Variants in EFCAB11 observed in about 807,000 individuals in gnomAD.
EFCAB11 encodes EF-hand calcium binding domain 11.
Under a neutral mutation model 23.0 loss-of-function variants are expected in EFCAB11, and 14 were observed. The observed-to-expected ratio is 0.61, with a 90% CI of 0.40 to 0.95. EFCAB11 has a LOEUF of 0.95. Ranked by LOEUF, EFCAB11 falls within the 40% of genes least tolerant of loss-of-function variation. EFCAB11 has a pLI of 0.00. For synonymous variants in EFCAB11, 65 were observed against 66.6 expected, an observed-to-expected ratio of 0.98 and a Z score of 0.11; for missense variants, 198 against 195.8, an observed-to-expected ratio of 1.01 and a Z score of -0.07.
At chr14:89,830,466 A>G (rs1886846416) in intron 5 of EFCAB11, 1 of 152,174 alleles carries the variant, frequency 6.6e-6, no homozygotes, top group Non-Finnish European at 1.5e-5. Context: ...CAAAAATTTC[A>G]TTTTTCTAGT....
chr14:89,844,066 A>G (rs144244929), intron 5 of EFCAB11, among the ~76,000 whole-genome samples: 1 of 152,272 alleles, frequency 6.6e-6, no homozygotes, highest in African/African-American at 2.4e-5. Context: ...TCTGTCAGTC[A>G]CTCTTTCAAA....
intron 5 of EFCAB11, among the ~76,000 whole-genome samples, chr14:89,887,130 T>C (rs1888814436): frequency 6.6e-6 from 1 of 152,206 alleles, no homozygotes; most frequent in Non-Finnish European, 1.5e-5. Context: ...ACTGCTCTCA[T>C]GAAGCTTTAT....
chr14:89,890,838 G>T (rs941260048), intron 5 of EFCAB11, among the ~76,000 whole-genome samples: 1 of 152,230 alleles, frequency 6.6e-6, no homozygotes, highest in Non-Finnish European at 1.5e-5. Context: ...GGCCAGAAGT[G>T]AAGATCCAGG....
intron 5 of EFCAB11, among the ~76,000 whole-genome samples, chr14:89,922,238 G>A (rs1387736367): frequency 6.6e-6 from 1 of 152,214 alleles, no homozygotes; most frequent in Non-Finnish European, 1.5e-5. Context: ...ACTAAACCCA[G>A]GGTTGGGTAG....
chr14:89,881,808 T>A (rs1219713134), intron 5 of EFCAB11, among the ~76,000 whole-genome samples: 1 of 152,172 alleles, frequency 6.6e-6, no homozygotes, highest in Non-Finnish European at 1.5e-5. Flanking sequence ...TAAATTTTAC[T>A]TGTCTTAAAT....
rs368753755 is a variant in EFCAB11, at chr14:89,864,541, C to T, written c.410+67000G>A. Among the ~76,000 whole-genome samples, 4 of 152,138 alleles carry T rather than the reference C, an allele frequency of 2.6e-5. No homozygotes were observed. In the East Asian group the frequency reaches 5.8e-4, roughly 22 times the overall value. ...CTGGGCTCAACTGATCCTTCCACCT[C>T]AGCCTCCCAAATAGTAGCTGGGACT... On this transcript the variant is annotated intron_variant, in intron 5 of 5. Coordinates refer to ENST00000316738, the MANE Select transcript of EFCAB11 (RefSeq NM_145231.4).
intron 5 of EFCAB11, chr14:89,924,067 T>C: frequency 3.0e-6 from 3 of 985,624 alleles, no homozygotes; most frequent in Non-Finnish European, 3.6e-6. Context: ...ATAATTTTTC[T>C]GCCAAGGGAA....
At chr14:89,859,998 G>A (rs1240409567) in intron 5 of EFCAB11, among the ~76,000 whole-genome samples, 2 of 152,092 alleles carry the variant, frequency 1.3e-5, no homozygotes, top group Admixed American at 1.3e-4. Context: ...CCCAAAGGAG[G>A]GAACAGAACC....
At chr14:89,924,389 G>A (rs1176793326) in intron 5 of EFCAB11, 12 of 1,193,012 alleles carry the variant, frequency 1.0e-5, no homozygotes, top group South Asian at 4.8e-5. Context: ...GATCTTGGAC[G>A]CTGGGTCAGG....
chr14:89,800,329 A>T (rs1885735936), intron 5 of EFCAB11, among the ~76,000 whole-genome samples: 1 of 152,236 alleles, frequency 6.6e-6, no homozygotes, highest in Non-Finnish European at 1.5e-5. Context: ...CTAGGTACAG[A>T]GGAGACCACA....
At position 89,932,338 on chromosome 14, in the gene EFCAB11, A is replaced by G. The variant is rs80206508; in HGVS notation, c.319+188T>C. On this transcript the variant is annotated intron_variant, in intron 4 of 5. Transcript: ENST00000316738. ...ACTATATAACTGTAAATACTATTTCATCTATGGTAAATGTCAAGAAATCAC... is the reference window on the plus strand; with the variant it reads ...ACTATATAACTGTAAATACTATTTCGTCTATGGTAAATGTCAAGAAATCAC... Among the ~76,000 whole-genome samples, 536 of 152,342 alleles carry G rather than the reference A, an allele frequency of 3.5e-3. 3 individuals carry two copies. Among genetic ancestry groups the G allele is most frequent in the Non-Finnish European group, 4.9e-3 (333 of 68,034 alleles).
intron 5 of EFCAB11, among the ~76,000 whole-genome samples, chr14:89,798,832 G>C (rs1336220905): frequency 6.6e-6 from 1 of 152,178 alleles, no homozygotes; most frequent in Non-Finnish European, 1.5e-5. Context: ...TGTCACCCAG[G>C]CTGGAGTGCA....
At chr14:89,918,653 A>C (rs1889927854) in intron 5 of EFCAB11, among the ~76,000 whole-genome samples, 1 of 152,130 alleles carries the variant, frequency 6.6e-6, no homozygotes, top group Admixed American at 6.6e-5. Context: ...AGAAAAAGGC[A>C]AGATCACCTG....
chr14:89,889,982 G>C (rs1432214671), intron 5 of EFCAB11, among the ~76,000 whole-genome samples: 1 of 152,182 alleles, frequency 6.6e-6, no homozygotes, highest in East Asian at 1.9e-4. Flanking sequence ...GCTGAGTCTT[G>C]GAAGTCCTTC....
At chr14:89,894,791 A>G (rs1170174969) in intron 5 of EFCAB11, among the ~76,000 whole-genome samples, 2 of 152,214 alleles carry the variant, frequency 1.3e-5, no homozygotes, top group Non-Finnish European at 2.9e-5. Flanking sequence ...TAGCTAGAAG[A>G]TTAACATACA....
intron 5 of EFCAB11, among the ~76,000 whole-genome samples, chr14:89,819,676 A>G (rs930809036): frequency 6.6e-6 from 1 of 152,138 alleles, no homozygotes; most frequent in African/African-American, 2.4e-5. Flanking sequence ...GCCTCAAGCA[A>G]TCCTCCTGCC....
chr14:89,864,823 A>G (rs897473319), intron 5 of EFCAB11, among the ~76,000 whole-genome samples: 11 of 152,174 alleles, frequency 7.2e-5, no homozygotes, highest in Admixed American at 1.3e-4. Flanking sequence ...GCTTCCCTAG[A>G]GCTGACTCAA....
At chr14:89,804,115 A>G (rs747397664) in intron 5 of EFCAB11, among the ~76,000 whole-genome samples, 9 of 152,232 alleles carry the variant, frequency 5.9e-5, no homozygotes, top group Non-Finnish European at 1.0e-4. Context: ...CACCCGAGCC[A>G]GTAGCAGTAT....
chr14:89,923,804 TG>T, intron 5 of EFCAB11: 1 of 985,416 alleles, frequency 1.0e-6, no homozygotes, highest in Non-Finnish European at 1.2e-6. Flanking sequence ...TTGTTAGAGA[TG>T]GACCAGGAAA....
Sources: allele counts gnomAD v4.1 joint callset (sites outside exome capture counted in the v4.1 genomes callset), GRCh38; gene constraint gnomAD v4.1.1; transcripts MANE v1.5; gene names NCBI Gene and HGNC (gene_info 2026-07-23, HGNC 2026-07-21).